Variants in MTFR1 observed in about 807,000 individuals in gnomAD.
The protein encoded by MTFR1 is mitochondrial fission regulator 1, also known as chondrocyte protein with a poly-proline region.
A neutral mutation model predicts 38.8 loss-of-function variants in MTFR1; 28 were observed. That is an observed-to-expected ratio of 0.72 (90% CI 0.53 to 0.99). The LOEUF (loss-of-function observed/expected upper bound fraction) is 0.99, where lower values mean the gene tolerates loss of function less well. Ranked by LOEUF, MTFR1 falls within the 50% of genes least tolerant of loss-of-function variation. The probability of loss-of-function intolerance (pLI) is 0.00; values close to 1 mark genes in which losing one functional copy is unlikely to be tolerated. For synonymous variants in MTFR1, 145 were observed against 137.0 expected, an observed-to-expected ratio of 1.06 and a Z score of -0.41; for missense variants, 358 against 395.5, an observed-to-expected ratio of 0.91 and a Z score of 0.81.
At chr8:65,774,057 CAT>C (rs373461029), downstream of MTFR1, among the ~76,000 whole-genome samples, 131 of 152,294 alleles carry the variant, frequency 8.6e-4, no homozygotes, top group African/African-American at 2.6e-3. Flanking sequence ...AATACGTTCA[CAT>C]GAGTCAAAAT....
chr8:65,752,659 A>G (rs1223105679), intron 3 of MTFR1, among the ~76,000 whole-genome samples: 1 of 152,152 alleles, frequency 6.6e-6, no homozygotes, highest in Non-Finnish European at 1.5e-5. Flanking sequence ...TTTGCCTGGT[A>G]TGTTCTTTCA....
intron 3 of MTFR1, chr8:65,726,770 CTG>C: frequency 1.6e-6 from 1 of 611,934 alleles, no homozygotes; most frequent in Non-Finnish European, 2.9e-6. Flanking sequence ...ACACTGAAAA[CTG>C]TGGAACACCT....
intron 2 of MTFR1, among the ~76,000 whole-genome samples, chr8:65,678,893 T>A (rs536976700): frequency 4.9e-4 from 72 of 148,448 alleles, no homozygotes; most frequent in African/African-American, 1.6e-3. Context: ...TAAAAAAATT[T>A]AAAAAAAAAA....
chr8:65,774,830 C>T (rs562671402), downstream of MTFR1, among the ~76,000 whole-genome samples: 101 of 152,222 alleles, frequency 6.6e-4, no homozygotes, highest in African/African-American at 2.3e-3. Flanking sequence ...GGCTGTTTCT[C>T]ATATCTGCTA....
intron 3 of MTFR1, among the ~76,000 whole-genome samples, chr8:65,753,928 A>G (rs1364934499): frequency 6.6e-6 from 1 of 152,066 alleles, no homozygotes; most frequent in African/African-American, 2.4e-5. Context: ...TGCCAATAAT[A>G]ATATAGTCAC....
intron 3 of MTFR1, among the ~76,000 whole-genome samples, chr8:65,690,578 T>C (rs1210041891): frequency 6.6e-6 from 1 of 152,132 alleles, no homozygotes; most frequent in East Asian, 1.9e-4. Flanking sequence ...GTTTTTCTTT[T>C]TTTCTTCCCT....
At chr8:65,759,569 C>CT (rs1808397414) in intron 3 of MTFR1, among the ~76,000 whole-genome samples, 1 of 152,224 alleles carries the variant, frequency 6.6e-6, no homozygotes, top group Non-Finnish European at 1.5e-5. Flanking sequence ...CTTGGTGACT[C>CT]TAAGTGTCCA....
downstream of MTFR1, among the ~76,000 whole-genome samples, chr8:65,776,016 C>G (rs994552144): frequency 1.3e-5 from 2 of 152,052 alleles, no homozygotes; most frequent in African/African-American, 4.8e-5. Flanking sequence ...CTCTTAAATT[C>G]ACTTTAATTT....
chr8:65,743,800 G>C (rs943787959), intron 3 of MTFR1, among the ~76,000 whole-genome samples: 5 of 151,558 alleles, frequency 3.3e-5, no homozygotes, highest in African/African-American at 1.2e-4. Flanking sequence ...CTTCCTCTCA[G>C]TGTACTTTCA....
chr8:65,735,702 T>C (rs1807100684), intron 3 of MTFR1, among the ~76,000 whole-genome samples: 1 of 152,136 alleles, frequency 6.6e-6, no homozygotes, highest in South Asian at 2.1e-4. Context: ...CAGCTAACTG[T>C]GCAACGCCCA....
chr8:65,662,521 C>T (rs1809460918), intron 1 of MTFR1, among the ~76,000 whole-genome samples: 1 of 148,288 alleles, frequency 6.7e-6, no homozygotes, highest in South Asian at 2.1e-4. Context: ...GGCCGCCACC[C>T]CGTCTGGGAA....
At chr8:65,753,519 C>T (rs1435584233) in intron 3 of MTFR1, among the ~76,000 whole-genome samples, 1 of 152,110 alleles carries the variant, frequency 6.6e-6, no homozygotes, top group Non-Finnish European at 1.5e-5. Context: ...CCACCCTCAC[C>T]CACCCCTAAG....
At chr8:65,728,223 T>C (rs1173497400) in intron 3 of MTFR1, 1 of 152,218 alleles carries the variant, frequency 6.6e-6, no homozygotes, top group East Asian at 1.9e-4. Flanking sequence ...ACACCACTTA[T>C]ATTAAGTATA....
downstream of MTFR1, among the ~76,000 whole-genome samples, chr8:65,712,273 A>G (rs1323000505): frequency 1.3e-5 from 2 of 152,220 alleles, no homozygotes; most frequent in African/African-American, 4.8e-5. Flanking sequence ...AGGGAAGTGC[A>G]TAAGGCACTG....
chr8:65,776,084 C>T (rs1809251869), downstream of MTFR1, among the ~76,000 whole-genome samples: 1 of 152,102 alleles, frequency 6.6e-6, no homozygotes, highest in South Asian at 2.1e-4. Context: ...TTTAGCATTC[C>T]TCATCTTACC....
At position 65,708,988 on chromosome 8, in the gene MTFR1, A is replaced by AT; in HGVS notation, c.947dup (p.Met316IlefsTer13). 6.2e-7 allele frequency: 1 copy of AT among 1,613,980 alleles called. No homozygotes were observed. The highest frequency in any genetic ancestry group is 8.5e-7 in the Non-Finnish European group (1 of 1,179,862). ...TGTTTGTTTCTAGTTTGGGCCACAC[A>AT]TGTTGAAGCCAACAGGAAAAATGAA... On this transcript the variant is annotated frameshift_variant, in exon 8 of 8. Transcript: ENST00000262146. LOFTEE classifies it high-confidence loss of function.
chr8:65,698,571 G>T (rs2357478), intron 4 of MTFR1, among the ~76,000 whole-genome samples: 1 of 151,836 alleles, frequency 6.6e-6, no homozygotes, highest in Non-Finnish European at 1.5e-5. Flanking sequence ...TTTTAGGTTC[G>T]GGGGTACATG....
chr8:65,725,608 CTTTTG>C (rs1194517229), intron 3 of MTFR1: 1 of 152,144 alleles, frequency 6.6e-6, no homozygotes, highest in African/African-American at 2.4e-5. Context: ...AAATTCTTGC[CTTTTG>C]TTTTAATGGG....
intron 2 of MTFR1, among the ~76,000 whole-genome samples, chr8:65,677,033 G>GA (rs1421269694): frequency 6.7e-6 from 1 of 148,206 alleles, no homozygotes; most frequent in East Asian, 2.0e-4. Context: ...AGTTTTCATA[G>GA]ATAAAGCATG....
Sources: gnomAD v4.1 joint callset for allele counts (sites outside exome capture counted in the v4.1 genomes callset) on GRCh38, gnomAD v4.1.1 for gene constraint, MANE v1.5 for transcripts, NCBI Gene and HGNC (gene_info 2026-07-23, HGNC 2026-07-21) for gene names.